Variants in WWC1 observed in about 807,000 individuals in gnomAD.
WWC1 encodes WW and C2 domain containing 1.
WWC1 carries 55 observed loss-of-function variants against 138.4 expected under a neutral mutation model. The ratio of observed to expected loss-of-function variants is 0.40; its 90% confidence interval spans 0.32 to 0.50. The LOEUF is 0.50. Among genes scored for constraint, WWC1 ranks in the 20% least tolerant of loss-of-function variants. The pLI is 0.72. For missense variants in WWC1, 1,226 were observed against 1,420.4 expected, an observed-to-expected ratio of 0.86 and a Z score of 2.20; for synonymous variants, 524 against 564.9, an observed-to-expected ratio of 0.93 and a Z score of 1.03.
At chr5:168,402,453 G>A (rs763925587) in intron 5 of WWC1, among the ~76,000 whole-genome samples, 5 of 152,172 alleles carry the variant, frequency 3.3e-5, no homozygotes, top group Non-Finnish European at 7.3e-5. Flanking sequence ...CAAGTGTGTG[G>A]TAATGCCTGG....
intron 6 of WWC1, among the ~76,000 whole-genome samples, chr5:168,407,606 T>G (rs1779894589): frequency 6.6e-6 from 1 of 152,216 alleles, no homozygotes; most frequent in African/African-American, 2.4e-5. Context: ...GGCATGTTCC[T>G]GTTATGATTA....
intron 1 of WWC1, among the ~76,000 whole-genome samples, chr5:168,306,096 G>A (rs1770533310): frequency 6.6e-6 from 1 of 152,166 alleles, no homozygotes; most frequent in African/African-American, 2.4e-5. Context: ...AGGAGGTGGA[G>A]AAGTAAATAT....
chr5:168,304,020 T>C (rs1434676622), intron 1 of WWC1, among the ~76,000 whole-genome samples: 5 of 152,250 alleles, frequency 3.3e-5, no homozygotes, highest in African/African-American at 1.2e-4. Context: ...TACTTATATC[T>C]TTTTGAGCCT....
At chr5:168,386,225 CTGTT>C (rs1180199251) in intron 3 of WWC1, among the ~76,000 whole-genome samples, 2 of 151,922 alleles carry the variant, frequency 1.3e-5, no homozygotes, top group Non-Finnish European at 2.9e-5. Context: ...CCATGGCTGT[CTGTT>C]TATTTCCTTC....
intron 17 of WWC1, among the ~76,000 whole-genome samples, chr5:168,451,096 G>A (rs989523556): frequency 1.3e-5 from 2 of 151,802 alleles, no homozygotes; most frequent in South Asian, 2.1e-4. Flanking sequence ...TCGGCTCACT[G>A]CAATCTCCAC....
At chr5:168,338,198 C>T (rs993503682) in intron 1 of WWC1, among the ~76,000 whole-genome samples, 1 of 151,302 alleles carries the variant, frequency 6.6e-6, no homozygotes, top group Non-Finnish European at 1.5e-5. Context: ...GTAATCCCAG[C>T]TACTCAGGAA....
intron 2 of WWC1, among the ~76,000 whole-genome samples, chr5:168,379,488 C>T (rs891117214): frequency 6.6e-6 from 1 of 152,158 alleles, no homozygotes; most frequent in Non-Finnish European, 1.5e-5. Flanking sequence ...CAACCTCTGC[C>T]TCCTGGGTTC....
At chr5:168,339,234 A>T (rs1429092999) in intron 1 of WWC1, among the ~76,000 whole-genome samples, 2 of 151,988 alleles carry the variant, frequency 1.3e-5, no homozygotes, top group Admixed American at 6.6e-5. Context: ...CATGACAAGG[A>T]GCTTTTCCAG....
At chr5:168,326,639 G>A (rs969014998) in intron 1 of WWC1, among the ~76,000 whole-genome samples, 1 of 151,992 alleles carries the variant, frequency 6.6e-6, no homozygotes, top group African/African-American at 2.4e-5. Context: ...CCTGTGTCCT[G>A]GTTCAAGCAA....
intron 21 of WWC1, among the ~76,000 whole-genome samples, chr5:168,466,566 G>A (rs1302464999): frequency 6.6e-6 from 1 of 152,136 alleles, no homozygotes; most frequent in Non-Finnish European, 1.5e-5. Context: ...GGACTGATAT[G>A]GGAGCTTCAA....
Position 168,406,696 on chromosome 5 carries a change from C to T in WWC1, c.720+369C>T, listed in dbSNP as rs193270083. Among the ~76,000 whole-genome samples, 758 of 152,216 alleles carry T rather than the reference C, an allele frequency of 5.0e-3. 5 individuals are homozygous for T. Among genetic ancestry groups the T allele is most frequent in the African/African-American group, 0.017 (706 of 41,554 alleles). On this transcript the variant is annotated intron_variant, in intron 6 of 22. Transcript: ENST00000265293. The stretch of plus-strand genomic sequence containing the variant: ...GTGGCTCACGCCTGTAATCCCAGCA[C>T]TTTGGGAGGCTGAGGCGGGCGGATC...
intron 1 of WWC1, among the ~76,000 whole-genome samples, chr5:168,328,569 C>T (rs111720084): frequency 0.041 from 6,208 of 151,982 alleles, 418 homozygotes; most frequent in African/African-American, 0.14. Context: ...TTTATTGAGA[C>T]GGAGTCTTGC....
intron 5 of WWC1, among the ~76,000 whole-genome samples, chr5:168,405,482 A>G (rs1357262545): frequency 6.6e-6 from 1 of 152,170 alleles, no homozygotes; most frequent in Non-Finnish European, 1.5e-5. Flanking sequence ...AGTCAAGTCA[A>G]CGATGCTACC....
chr5:168,316,505 G>A (rs1384426664), intron 1 of WWC1: 4 of 152,256 alleles, frequency 2.6e-5, no homozygotes, highest in South Asian at 4.1e-4. Flanking sequence ...CTGACCTAGC[G>A]AGACTCTAGG....
intron 15 of WWC1, among the ~76,000 whole-genome samples, chr5:168,436,098 C>T (rs1334526261): frequency 1.3e-5 from 2 of 152,134 alleles, no homozygotes; most frequent in African/African-American, 2.4e-5. Flanking sequence ...CCACCTTTTC[C>T]TCCGAAAGTG....
At chr5:168,464,137 G>C (rs1050210060) in intron 20 of WWC1, among the ~76,000 whole-genome samples, 3 of 152,142 alleles carry the variant, frequency 2.0e-5, no homozygotes, top group Non-Finnish European at 4.4e-5. Flanking sequence ...CCAAGGGAAG[G>C]TGAGGGCATT....
intron 2 of WWC1, among the ~76,000 whole-genome samples, chr5:168,377,701 A>G (rs1041269055): frequency 2.0e-5 from 3 of 152,268 alleles, no homozygotes; most frequent in African/African-American, 7.2e-5. Flanking sequence ...CGTGATCATC[A>G]GAGAAATGCA....
chr5:168,383,333 C>A (rs894788693), intron 2 of WWC1, among the ~76,000 whole-genome samples: 1 of 152,168 alleles, frequency 6.6e-6, no homozygotes, highest in Non-Finnish European at 1.5e-5. Context: ...AGTAGTGATG[C>A]AGGGTTCATT....
intron 19 of WWC1, among the ~76,000 whole-genome samples, chr5:168,458,658 T>C (rs1756538167): frequency 6.6e-6 from 1 of 152,186 alleles, no homozygotes; most frequent in Non-Finnish European, 1.5e-5. Flanking sequence ...AAATTCTCAT[T>C]CCTGAACTAG....
Sources: gnomAD v4.1 joint callset for allele counts (sites outside exome capture counted in the v4.1 genomes callset) on GRCh38, gnomAD v4.1.1 for gene constraint, MANE v1.5 for transcripts, NCBI Gene and HGNC (gene_info 2026-07-23, HGNC 2026-07-21) for gene names.